Variants in DLL1 observed in about 807,000 individuals in gnomAD.
The protein encoded by DLL1 is delta like canonical Notch ligand 1.
In DLL1, 9 loss-of-function variants were observed where a neutral mutation model predicts 75.1. That is an observed-to-expected ratio of 0.12 (90% CI 0.07 to 0.21). The LOEUF (loss-of-function observed/expected upper bound fraction) is 0.21. Ranked by LOEUF, DLL1 falls within the 10% of genes least tolerant of loss-of-function variation. The probability of loss-of-function intolerance (pLI) is 1.00; values close to 1 mark genes in which losing one functional copy is unlikely to be tolerated. For missense variants in DLL1, 837 were observed against 1,007.6 expected (o/e 0.83, Z 2.29); for synonymous variants, 477 against 418.3 (o/e 1.14, Z -1.71).
Position 170,285,386 on chromosome 6 carries a change from A to C in DLL1, c.900T>G (p.Asn300Lys), listed in dbSNP as rs745856838. ...NYCTHHKPCK[N>K]GATCTNTGQG... ...GGCCCGTGTTGGTGCAGGTGGCTCCATTCTTGCAGGGCTTATGGTGTGTGC... is the reference window on the plus strand; with the variant it reads ...GGCCCGTGTTGGTGCAGGTGGCTCCCTTCTTGCAGGGCTTATGGTGTGTGC... Residue 300 changes from asparagine (N) to lysine (K), a missense_variant, in exon 7 of 11, where the codon AAT becomes AAG. Physicochemically the swap from Asn to Lys is moderately conservative, Grantham distance 94. Around this residue, in one of 2 missense-constraint regions of DLL1, gnomAD observed 304 missense variants for 461.9 expected, o/e 0.66. Coordinates refer to ENST00000366756, the MANE Select transcript of DLL1 (RefSeq NM_005618.4). The C allele has an allele frequency of 2.3e-4, 366 of 1,614,098 alleles. No homozygotes were observed. The highest frequency in any genetic ancestry group is 3.0e-4 in the Non-Finnish European group (354 of 1,180,044).
At chr6:170,289,952 C>G in intron 1 of DLL1, 134 bp downstream of exon 1, 1 of 1,321,430 alleles carries the variant, frequency 7.6e-7, no homozygotes, top group Non-Finnish European at 9.7e-7. Context: ...GGGTCGTCGC[C>G]CCCGGGATTC....
Position 170,284,178 on chromosome 6 carries a change from A to G in DLL1, c.1250-149T>C, listed in dbSNP as rs551576620. 1.4e-4 allele frequency: 149 copies of G among 1,048,382 alleles called. 1 individual carries two copies. The Admixed American group carries it at 2.8e-3, about 20-fold the overall frequency. The allele number at this position is 1,048,382 out of a possible 1,614,324, so 64.9% of individuals were successfully genotyped here. A position where few individuals can be genotyped will look rare whatever the true frequency, so the allele number is the denominator to read the frequency against. ...GAATGAGTCCACAGCGCAAGGTGAC[A>G]TGGTTTAGGACCTCAAATACGAGAG... On this transcript the variant is annotated intron_variant, in intron 8 of 10. Coordinates refer to ENST00000366756, the MANE Select transcript of DLL1 (RefSeq NM_005618.4).
chr6:170,288,081 C>T (rs1783745609), intron 4 of DLL1, 158 bp downstream of exon 4: 1 of 1,110,272 alleles, frequency 9.0e-7, no homozygotes, highest in Non-Finnish European at 1.3e-6. Flanking sequence ...CACTGACGAG[C>T]TGTGACTTAT....
intron 3 of DLL1, 116 bp downstream of exon 3, chr6:170,288,613 A>G: frequency 4.3e-6 from 7 of 1,609,902 alleles, no homozygotes; most frequent in Non-Finnish European, 6.0e-6. Flanking sequence ...TCCACCCTGA[A>G]CTTTCTGGGG....
At position 170,288,351 on chromosome 6, in the gene DLL1, C is replaced by G; in HGVS notation, c.558G>C (p.Glu186Asp). ...GGGGACGGCAGAAAACGGAGCAGCCCTCTCCGTAGTAGTGTTCGTCACACA... is the reference window on the plus strand; with the variant it reads ...GGGGACGGCAGAAAACGGAGCAGCCGTCTCCGTAGTAGTGTTCGTCACACA... ...RFVCDEHYYG[E>D]GCSVFCRPRD... The change falls in exon 4 of 11, where the codon GAG (glutamate) becomes GAC (aspartate). Residue 186 changes from glutamate (E) to aspartate (D), a missense_variant. Coordinates refer to ENST00000366756, the MANE Select transcript of DLL1 (RefSeq NM_005618.4). 1 of 1,614,090 alleles carries G rather than the reference C, an allele frequency of 6.2e-7. No individual in the cohort carries two copies.
At chr6:170,288,141 C>T in intron 4 of DLL1, 98 bp downstream of exon 4, 1 of 1,574,054 alleles carries the variant, frequency 6.4e-7, no homozygotes, top group Non-Finnish European at 8.6e-7. Flanking sequence ...CAGAACATCT[C>T]TACAGTCCCA....
rs1267211953 is a variant in DLL1 at position 170,291,001 on chromosome 6, C to T, written c.-862G>A. On this transcript the variant is annotated 5_prime_UTR_variant, in exon 1 of 11. Transcript: ENST00000366756. ...TGGCTAATGAGATGCAAATCAGCAGCCCCCCAATCTGGCGAGAGCTGTCAC... is the reference window on the plus strand; with the variant it reads ...TGGCTAATGAGATGCAAATCAGCAGTCCCCCAATCTGGCGAGAGCTGTCAC... 4.3e-6 allele frequency: 3 copies of T among 701,874 alleles called. No homozygotes were observed. Among genetic ancestry groups the T allele is most frequent in the South Asian group, 1.5e-5 (1 of 67,588 alleles). The allele number at this position is 701,874 out of a possible 1,614,324, so 43.5% of individuals were successfully genotyped here. A position where few individuals can be genotyped will look rare whatever the true frequency, so the allele number is the denominator to read the frequency against.
chr6:170,287,942 G>GGTA (rs1403994770), intron 4 of DLL1, among the ~76,000 whole-genome samples: 1 of 152,110 alleles, frequency 6.6e-6, no homozygotes, highest in Non-Finnish European at 1.5e-5. Context: ...ACACCCTGGG[G>GGTA]GTAGCACTGG....
rs924033758 is a variant in DLL1, at chr6:170,282,423, T to C, written c.*451A>G. ...ACAAAATACTCAAGCTTTACAGATA[T>C]CATGAAAAATATTTTTACAAATCCA... On this transcript the variant is annotated 3_prime_UTR_variant, in exon 11 of 11. Coordinates refer to ENST00000366756, the MANE Select transcript of DLL1 (RefSeq NM_005618.4). 3.3e-5 allele frequency: 7 copies of C among 211,282 alleles called. No individual in the cohort carries two copies. The highest frequency in any genetic ancestry group is 1.9e-4 in the South Asian group (2 of 10,400). 13.1% of individuals were successfully genotyped at this position (211,282 alleles called of 1,614,324 possible).
At chr6:170,284,610 G>A (rs945170497) in intron 8 of DLL1, among the ~76,000 whole-genome samples, 3 of 152,152 alleles carry the variant, frequency 2.0e-5, no homozygotes, top group South Asian at 2.1e-4. Context: ...AAGCTGGAGT[G>A]GCCGGCACCT....
chr6:170,288,012 C>G (rs1241229018), intron 4 of DLL1, among the ~76,000 whole-genome samples: 1 of 152,148 alleles, frequency 6.6e-6, no homozygotes, highest in Non-Finnish European at 1.5e-5. Flanking sequence ...AAAGGCAGTT[C>G]CGATAGTGGA....
intron 4 of DLL1, among the ~76,000 whole-genome samples, chr6:170,286,644 G>C (rs9460104): frequency 0.036 from 5,347 of 148,912 alleles, 338 homozygotes; most frequent in African/African-American, 0.13. Context: ...TAATATCCCA[G>C]AAAGTGTGTG....
Position 170,282,966 on chromosome 6 carries a change from A to G in DLL1, c.2166+22T>C, listed in dbSNP as rs202162871. The G allele has an allele frequency of 2.3e-5, 37 of 1,614,076 alleles. No homozygotes were observed. In the East Asian group the frequency reaches 8.2e-4, roughly 36 times the overall value. ...GGTGCTCCCATGCCGAGGAGGAGGG[A>G]GCGGCTGCTGCCTGCACTGACCTCA... On this transcript the variant is annotated intron_variant, in intron 10 of 10. Coordinates refer to ENST00000366756, the MANE Select transcript of DLL1 (RefSeq NM_005618.4).
chr6:170,289,488 G>C (rs918962006), intron 2 of DLL1, 24 bp downstream of exon 2: 1 of 1,528,216 alleles, frequency 6.5e-7, no homozygotes, highest in African/African-American at 1.4e-5. Flanking sequence ...GGGCCGGCCC[G>C]GCGCGCGCAG....
In DLL1 at chr6:170,290,432, T is replaced by G; in HGVS notation, c.-293A>C. 1 of 387,360 alleles carries G rather than the reference T, an allele frequency of 2.6e-6. No homozygotes were observed. The highest frequency in any genetic ancestry group is 4.6e-6 in the Non-Finnish European group (1 of 218,470). The allele number at this position is 387,360 out of a possible 1,614,324, so 24.0% of individuals were successfully genotyped here. A position where few individuals can be genotyped will look rare whatever the true frequency, so the allele number is the denominator to read the frequency against. ...CGGCGACTTTCGTTTTCCTCCTTCC[T>G]CCCAGCCCCCGAGGAGGTGAGGGTC... On this transcript the variant is annotated 5_prime_UTR_variant, in exon 1 of 11. Transcript: ENST00000366756. This position sits in a 1 kb window ranked among gnomAD's most constrained non-coding sequence, Gnocchi z 4.7.
In DLL1 at chr6:170,288,720, T is replaced by A. The variant is rs756137381; in HGVS notation, c.412+9A>T. On this transcript the variant is annotated intron_variant, in intron 3 of 10. Coordinates refer to ENST00000366756, the MANE Select transcript of DLL1 (RefSeq NM_005618.4). ...GAAAGCAGTTTTGGGGTTTGGGTTT[T>A]GTTTTTACCTGTTGCGAGGTCATCA... 1.2e-6 allele frequency: 2 copies of A among 1,614,192 alleles called. No homozygotes were observed. The highest frequency in any genetic ancestry group is 1.7e-6 in the Non-Finnish European group (2 of 1,180,028).
Position 170,285,498 on chromosome 6 carries a change from G to A in DLL1, c.862+71C>T, listed in dbSNP as rs142036456. ...AATGCAGGAAGACTTTATTTTTCCA[G>A]TGATCAAACAGCCAGGGAAGTCCAG... On this transcript the variant is annotated intron_variant, in intron 6 of 10. Transcript: ENST00000366756. The A allele has an allele frequency of 3.7e-6, 6 of 1,614,126 alleles. No homozygotes were observed. The African/African-American group carries it at 5.3e-5, about 14-fold the overall frequency.
rs112975917 is a variant in DLL1 at position 170,288,636 on chromosome 6, G to T, written c.412+93C>A. 1.7e-4 allele frequency: 276 copies of T among 1,608,664 alleles called. 1 individual carries two copies. In the African/African-American group the frequency reaches 2.8e-3, roughly 16 times the overall value. ...GAACTTTCTGGGGCACGTGCAGAAT[G>T]AAAGCTGTCCGGGTTTGGCTGGGGG... On this transcript the variant is annotated intron_variant, in intron 3 of 10. Coordinates refer to ENST00000366756, the MANE Select transcript of DLL1 (RefSeq NM_005618.4).
At position 170,283,883 on chromosome 6, in the gene DLL1, A is replaced by G. The variant is rs1372767741; in HGVS notation, c.1396T>C (p.Ser466Pro). 1 of 1,606,894 alleles carries G rather than the reference A, an allele frequency of 6.2e-7. No homozygotes were observed. Among genetic ancestry groups the G allele is most frequent in the Non-Finnish European group, 8.5e-7 (1 of 1,179,408 alleles). Residue 466 changes from serine to proline, a missense_variant, in exon 9 of 11, where the codon TCC becomes CCC. Transcript: ENST00000366756. ...GTGTAGCCAGGCGGGCAGGTGCAGGAGAAGTCGTTCACGCCATCCCGGCAG... is the reference window on the plus strand; with the variant it reads ...GTGTAGCCAGGCGGGCAGGTGCAGGGGAAGTCGTTCACGCCATCCCGGCAG... Reference protein sequence around the residue: ...GTCRDGVNDFSCTCPPGYTGR... With the variant: ...GTCRDGVNDFPCTCPPGYTGR...
Sources: gnomAD v4.1 joint callset for allele counts (sites outside exome capture counted in the v4.1 genomes callset) on GRCh38, gnomAD v4.1.1 for gene constraint, gnomAD v4.1.1 regional missense constraint, Gnocchi (gnomAD v3.1) non-coding constraint, MANE v1.5 for transcripts, NCBI Gene and HGNC (gene_info 2026-07-23, HGNC 2026-07-21) for gene names.